Variants in PPP6R2 observed in about 807,000 individuals in gnomAD.
The protein encoded by PPP6R2 is serine/threonine-protein phosphatase 6 regulatory subunit 2.
PPP6R2 carries 62 observed loss-of-function variants against 100.2 expected under a neutral mutation model. That is an observed-to-expected ratio of 0.62 (90% CI 0.50 to 0.76). The LOEUF is 0.76. Ranked by LOEUF, PPP6R2 falls within the 30% of genes least tolerant of loss-of-function variation. The pLI is 0.00. For missense variants in PPP6R2, 1,142 were observed against 1,276.3 expected (o/e 0.89, Z 1.60); for synonymous variants, 525 against 514.7 (o/e 1.02, Z -0.27).
chr22:50,413,047 G>A (rs918194193), intron 4 of PPP6R2, among the ~76,000 whole-genome samples: 13 of 147,406 alleles, frequency 8.8e-5, no homozygotes, highest in Admixed American at 1.4e-4. Flanking sequence ...CGCAATCTCC[G>A]CCTCCCAGGT....
intron 8 of PPP6R2, among the ~76,000 whole-genome samples, chr22:50,420,292 C>T (rs1448451376): frequency 6.6e-6 from 1 of 152,182 alleles, no homozygotes; most frequent in East Asian, 1.9e-4. Flanking sequence ...GAGGGGGTCC[C>T]AGTGTGGACA....
intron 12 of PPP6R2, among the ~76,000 whole-genome samples, chr22:50,433,028 A>G (rs1008747768): frequency 2.6e-5 from 4 of 152,098 alleles, no homozygotes; most frequent in Admixed American, 6.5e-5. Flanking sequence ...TTCTGCCTCC[A>G]TTTCCCTGTC....
chr22:50,438,239 C>T lies in PPP6R2; in HGVS notation c.1905C>T (p.Asp635=), dbSNP rs759622823. 31 of 1,613,804 alleles carry T rather than the reference C, an allele frequency of 1.9e-5. No homozygotes were observed. The highest frequency in any genetic ancestry group is 2.7e-5 in the African/African-American group (2 of 74,920). The change falls in exon 18 of 24, where the codon GAC becomes GAT. Residue 635 remains aspartate, a synonymous_variant. Transcript: ENST00000612753. ...TCCAGCCCTTTGATGATGATGAGGA[C>T]GAGGACATCTGGGAGGACAGTGACA... ...DRIQPFDDDE[D]EDIWEDSDTR...
At chr22:50,371,651 T>C (rs1469139753) in intron 1 of PPP6R2, among the ~76,000 whole-genome samples, 1 of 151,994 alleles carries the variant, frequency 6.6e-6, no homozygotes, top group Non-Finnish European at 1.5e-5. Flanking sequence ...GTAATTGCTT[T>C]TTTTTGAGAT....
chr22:50,387,765 C>T (rs773460026), intron 2 of PPP6R2, among the ~76,000 whole-genome samples: 9 of 152,184 alleles, frequency 5.9e-5, no homozygotes, highest in African/African-American at 1.7e-4. Flanking sequence ...TGGGCCACCG[C>T]GGCGCACGCC....
intron 2 of PPP6R2, among the ~76,000 whole-genome samples, chr22:50,385,033 G>A (rs1408773923): frequency 6.6e-6 from 1 of 151,954 alleles, no homozygotes; most frequent in Non-Finnish European, 1.5e-5. Flanking sequence ...ACAGGCCTGA[G>A]CTACTGTACC....
At chr22:50,338,948 GGTGTGGTGGGTGTGTAGGGT>G, upstream of PPP6R2, among the ~76,000 whole-genome samples, 1 of 120,308 alleles carries the variant, frequency 8.3e-6, no homozygotes, top group African/African-American at 3.3e-5. Flanking sequence ...GGGTGTGTAG[GGTGTGGTGGGTGTGTAGGGT>G]GTGTGGTGTG....
chr22:50,340,448 GGT>G (rs376846049), upstream of PPP6R2, among the ~76,000 whole-genome samples: 3 of 138,604 alleles, frequency 2.2e-5, no homozygotes, highest in Admixed American at 7.3e-5. Flanking sequence ...TGTGGTATGT[GGT>G]GTGTGTGTGG....
intron 6 of PPP6R2, among the ~76,000 whole-genome samples, chr22:50,416,414 C>T (rs1390292418): frequency 1.3e-5 from 2 of 151,646 alleles, no homozygotes; most frequent in African/African-American, 4.8e-5. Flanking sequence ...CCACAACCTC[C>T]GCCTCTTGGG....
At chr22:50,360,650 C>T (rs1262091329) in intron 1 of PPP6R2, among the ~76,000 whole-genome samples, 1 of 152,210 alleles carries the variant, frequency 6.6e-6, no homozygotes, top group Non-Finnish European at 1.5e-5. Flanking sequence ...AGGTGTGAGG[C>T]ACCATTCCTG....
intron 3 of PPP6R2, among the ~76,000 whole-genome samples, chr22:50,405,051 G>A (rs1028688060): frequency 6.6e-6 from 1 of 152,228 alleles, no homozygotes; most frequent in African/African-American, 2.4e-5. Context: ...TAGTCATAAC[G>A]TTCTTGCGTA....
Position 50,435,307 on chromosome 22 carries a change from G to T in PPP6R2, c.1516+226G>T, listed in dbSNP as rs148186524. ...GCGGACTTCTGTGGAGACCCTGCCA[G>T]GCGTCAGCGTGTGGCACAAGAGACA... On this transcript the variant is annotated intron_variant, in intron 13 of 23. Coordinates refer to ENST00000612753, the MANE Select transcript of PPP6R2 (RefSeq NM_001242898.2). Among the ~76,000 whole-genome samples the T allele has an allele frequency of 7.4e-3, 1,135 of 152,358 alleles. 51 individuals carry two copies. The highest frequency in any genetic ancestry group is 0.058 in the Admixed American group (886 of 15,306).
At chr22:50,343,868 TGCCCCCCAGTCAGTGCCCCCTCCAGTCAG>T (rs2042813938) in intron 1 of PPP6R2, among the ~76,000 whole-genome samples, 1 of 9,696 alleles carries the variant, frequency 1.0e-4, no homozygotes, top group Non-Finnish European at 1.5e-4. Flanking sequence ...CCCCAGTCAG[TGCCCCCCAGTCAGTGCCCCCTCCAGTCAG>T]TTCCCCCCCA....
At chr22:50,354,413 G>A (rs988186881) in intron 1 of PPP6R2, among the ~76,000 whole-genome samples, 4 of 152,192 alleles carry the variant, frequency 2.6e-5, no homozygotes, top group Admixed American at 6.5e-5. Flanking sequence ...AATCTGAAAT[G>A]CTCCAGTGAG....
upstream of PPP6R2, among the ~76,000 whole-genome samples, chr22:50,339,347 T>C (rs1240982163): frequency 1.5e-5 from 2 of 136,828 alleles, no homozygotes; most frequent in African/African-American, 5.7e-5. Flanking sequence ...TGGTATGTAG[T>C]GTGTGGTATG....
chr22:50,440,036 C>T lies in PPP6R2; in HGVS notation c.2361C>T (p.Gly787=), dbSNP rs1344811570. The T allele has an allele frequency of 6.2e-7, 1 of 1,612,938 alleles. No homozygotes were observed. Among genetic ancestry groups the T allele is most frequent in the South Asian group, 1.1e-5 (1 of 91,054 alleles). Residue 787 remains glycine, a synonymous_variant, in exon 21 of 24, where the codon GGC becomes GGT. Transcript: ENST00000612753. ...CSHAEGSRSQ[G]PEKAFSPASP... ...ATGCTGAGGGCAGCCGGAGCCAAGG[C>T]CCTGAGAAAGCCTGTGAGTAGGAGC... is the stretch of plus-strand genomic sequence containing the variant.
Position 50,431,423 on chromosome 22 carries a change from C to A in PPP6R2, c.1335+41C>A, listed in dbSNP as rs1221014892. The A allele has an allele frequency of 1.3e-6, 2 of 1,556,438 alleles. No individual in the cohort carries two copies. The highest frequency in any genetic ancestry group is 1.1e-5 in the South Asian group (1 of 89,280). ...ATCCATCTTATCAGCGCCAACTGCGCCCCACTCAGACCGTGTCCATGTCAG... is the reference window on the plus strand; with the variant it reads ...ATCCATCTTATCAGCGCCAACTGCGACCCACTCAGACCGTGTCCATGTCAG... On this transcript the variant is annotated intron_variant, in intron 11 of 23. Transcript: ENST00000612753. The surrounding 1 kb of genome is among the most constrained non-coding windows in gnomAD (Gnocchi z 4.8).
chr22:50,340,358 A>ATG (rs2042358563), upstream of PPP6R2, among the ~76,000 whole-genome samples: 1 of 43,042 alleles, frequency 2.3e-5, no homozygotes, highest in Non-Finnish European at 4.5e-5. Context: ...TGTGTGTGGT[A>ATG]TGGAGTGTGT....
At chr22:50,388,945 T>A (rs2054853691) in intron 2 of PPP6R2, 1 of 152,086 alleles carries the variant, frequency 6.6e-6, no homozygotes, top group African/African-American at 2.4e-5. Flanking sequence ...TCTAATTTTC[T>A]CTTAGCAACA....
Sources: allele counts gnomAD v4.1 joint callset (sites outside exome capture counted in the v4.1 genomes callset), GRCh38; gene constraint gnomAD v4.1.1; non-coding constraint Gnocchi (gnomAD v3.1); transcripts MANE v1.5; gene names NCBI Gene and HGNC (gene_info 2026-07-23, HGNC 2026-07-21).